USP4: variants seen among roughly 807,000 people sequenced by gnomAD.
USP4 encodes ubiquitin specific peptidase 4, also known as ubiquitin carboxyl-terminal hydrolase 4.
A neutral mutation model predicts 118.2 loss-of-function variants in USP4; 72 were observed. The ratio of observed to expected loss-of-function variants is 0.61; its 90% confidence interval spans 0.50 to 0.74. The LOEUF (loss-of-function observed/expected upper bound fraction) is 0.74, where lower values mean the gene tolerates loss of function less well. USP4 is among the 30% of genes least tolerant of loss of function. USP4 has a pLI of 0.00. For missense variants in USP4, 1,037 were observed against 1,185.7 expected, an observed-to-expected ratio of 0.87 and a Z score of 1.84; for synonymous variants, 415 against 440.4, an observed-to-expected ratio of 0.94 and a Z score of 0.72.
intron 6 of USP4, chr3:49,312,227 G>A (rs1257991042): frequency 4.0e-6 from 1 of 253,114 alleles, no homozygotes; most frequent in East Asian, 1.2e-4. Context: ...GGGAGGCCGA[G>A]GCTGGCGGAT....
At position 49,305,601 on chromosome 3, in the gene USP4, A is replaced by G. The variant is rs1214969071; in HGVS notation, c.1128+114T>C. ...GAATGGGGATGCTGAACTAGTAAGC[A>G]TAATGTAAATACCATAAAAAAAAAT... On this transcript the variant is annotated intron_variant, in intron 9 of 21. Transcript: ENST00000265560. The G allele has an allele frequency of 5.5e-6, 5 of 910,664 alleles. No individual in the cohort carries two copies. The African/African-American group carries it at 8.5e-5, about 15-fold the overall frequency. 56.4% of individuals were successfully genotyped at this position (910,664 alleles called of 1,614,324 possible). A position where few individuals can be genotyped will look rare whatever the true frequency, so the allele number is the denominator to read the frequency against.
intron 1 of USP4, among the ~76,000 whole-genome samples, chr3:49,336,040 T>C (rs2047665779): frequency 6.6e-6 from 1 of 151,800 alleles, no homozygotes; most frequent in African/African-American, 2.4e-5. Flanking sequence ...ATTTTTGTAT[T>C]TTTAGTAGAG....
At chr3:49,288,417 A>G (rs1001192053) in intron 15 of USP4, among the ~76,000 whole-genome samples, 1 of 152,104 alleles carries the variant, frequency 6.6e-6, no homozygotes, top group Non-Finnish European at 1.5e-5. Context: ...AAAGCAGCCT[A>G]TGATCCCAGC....
intron 8 of USP4, among the ~76,000 whole-genome samples, chr3:49,309,782 A>T (rs2047362753): frequency 6.7e-6 from 1 of 150,080 alleles, no homozygotes. Flanking sequence ...GTGTGCCACC[A>T]CACCCGGCTA....
At position 49,277,706 on chromosome 3, in the gene USP4, A is replaced by G. The variant is rs1464489357; in HGVS notation, c.*587T>C. On this transcript the variant is annotated 3_prime_UTR_variant, in exon 22 of 22. Transcript: ENST00000265560. The stretch of plus-strand genomic sequence containing the variant: ...GGGTTCCACAGGAGGTTGAGGGGCC[A>G]GGATCCCCAACACTAGATATCTTCC... 1 of 158,888 alleles carries G rather than the reference A, an allele frequency of 6.3e-6. No individual in the cohort carries two copies. Among genetic ancestry groups the G allele is most frequent in the African/African-American group, 2.4e-5 (1 of 41,728 alleles). The allele number at this position is 158,888 out of a possible 1,614,324, so 9.8% of individuals were successfully genotyped here.
intron 18 of USP4, 90 bp from the exon 19 acceptor site, chr3:49,284,226 A>T (rs2047070211): frequency 6.6e-7 from 1 of 1,521,004 alleles, no homozygotes; most frequent in South Asian, 1.2e-5. Context: ...CAGTCCCCTG[A>T]TAGCTGCCAT....
At chr3:49,280,393 C>G (rs571328601) in intron 20 of USP4, among the ~76,000 whole-genome samples, 2 of 151,490 alleles carry the variant, frequency 1.3e-5, no homozygotes. Context: ...AACCCCGTCT[C>G]TACTAAAAAT....
intron 4 of USP4, among the ~76,000 whole-genome samples, chr3:49,325,321 G>C (rs1267572734): frequency 1.3e-5 from 2 of 151,712 alleles, no homozygotes; most frequent in African/African-American, 2.4e-5. Flanking sequence ...CTCAGATATG[G>C]CTTCAAAAGC....
chr3:49,281,904 A>G (rs138186184), intron 19 of USP4, among the ~76,000 whole-genome samples: 14,143 of 148,572 alleles, frequency 0.095, 722 homozygotes, highest in Middle Eastern at 0.12. Flanking sequence ...CCAGCTACTC[A>G]GGAGGCTGAG....
At chr3:49,338,041 TCTCAAAAAAAAAAA>T (rs1465149814) in intron 1 of USP4, among the ~76,000 whole-genome samples, 1 of 75,034 alleles carries the variant, frequency 1.3e-5, no homozygotes, top group Non-Finnish European at 2.2e-5. Context: ...CGAGACTTCG[TCTCAAAAAAAAAAA>T]AAAAAAAAAA....
Position 49,278,403 on chromosome 3 carries a change from AAAATT to A in USP4, c.2777_2781del (p.Glu926ValfsTer2). ...GAACTGCTAAGTGAAGGTGTCTTATAAAATTCATCATCTCGACGTTGGTAAAATAG... is the reference window on the plus strand; with the variant it reads ...GAACTGCTAAGTGAAGGTGTCTTATACATCATCTCGACGTTGGTAAAATAG... On this transcript the variant is annotated frameshift_variant, in exon 22 of 22. Coordinates refer to ENST00000265560, the MANE Select transcript of USP4 (RefSeq NM_003363.4). LOFTEE classifies it high-confidence loss of function. 6.2e-7 allele frequency: 1 copy of A among 1,614,186 alleles called. No individual in the cohort carries two copies. Among genetic ancestry groups the A allele is most frequent in the Non-Finnish European group, 8.5e-7 (1 of 1,180,020 alleles).
intron 6 of USP4, among the ~76,000 whole-genome samples, chr3:49,313,452 C>G (rs2047406660): frequency 6.6e-6 from 1 of 151,938 alleles, no homozygotes; most frequent in Non-Finnish European, 1.5e-5. Context: ...TGCTTGAACC[C>G]AGGAGGCGGA....
At chr3:49,283,002 C>T (rs563252652) in intron 19 of USP4, among the ~76,000 whole-genome samples, 5 of 141,790 alleles carry the variant, frequency 3.5e-5, no homozygotes, top group East Asian at 4.2e-4. Flanking sequence ...GCCACTGTGC[C>T]GGCCTCTTTT....
chr3:49,313,050 C>T (rs542255081), intron 6 of USP4, among the ~76,000 whole-genome samples: 65 of 151,448 alleles, frequency 4.3e-4, no homozygotes, highest in African/African-American at 1.4e-3. Context: ...GCCACCACAC[C>T]CAGCTAATTT....
intron 2 of USP4, among the ~76,000 whole-genome samples, chr3:49,328,422 C>G (rs1438226512): frequency 2.6e-5 from 4 of 152,122 alleles, no homozygotes; most frequent in African/African-American, 9.7e-5. Context: ...AGTTTACACA[C>G]CTTTTTCAGG....
chr3:49,297,663 C>T (rs2047223967), intron 13 of USP4, among the ~76,000 whole-genome samples: 1 of 152,146 alleles, frequency 6.6e-6, no homozygotes, highest in African/African-American at 2.4e-5. Context: ...GGAGAGTTAT[C>T]AGAATGTTTA....
intron 4 of USP4, 37 bp downstream of exon 4, chr3:49,325,682 C>T: frequency 6.2e-7 from 1 of 1,609,982 alleles, no homozygotes; most frequent in Non-Finnish European, 8.5e-7. Flanking sequence ...CCTACACTCT[C>T]TCACCACATA....
At chr3:49,310,105 C>T (rs888840361) in intron 8 of USP4, among the ~76,000 whole-genome samples, 4 of 150,960 alleles carry the variant, frequency 2.6e-5, no homozygotes, top group Non-Finnish European at 5.9e-5. Context: ...CATGCCACCA[C>T]ACCCAGCTAA....
intron 1 of USP4, among the ~76,000 whole-genome samples, chr3:49,338,653 A>G (rs1306115392): frequency 6.8e-6 from 1 of 147,020 alleles, no homozygotes; most frequent in Non-Finnish European, 1.5e-5. Flanking sequence ...CAAGAGCGAA[A>G]TTCCTTCTCA....
Sources: allele counts gnomAD v4.1 joint callset (sites outside exome capture counted in the v4.1 genomes callset), GRCh38; gene constraint gnomAD v4.1.1; transcripts MANE v1.5; gene names NCBI Gene and HGNC (gene_info 2026-07-23, HGNC 2026-07-21).